Variants in KSR2 observed in about 807,000 individuals in gnomAD.
The protein encoded by KSR2 is kinase suppressor of ras 2.
KSR2 carries 25 observed loss-of-function variants against 107.8 expected under a neutral mutation model. That is an observed-to-expected ratio of 0.23 (90% CI 0.17 to 0.32). The LOEUF is 0.32. Among genes scored for constraint, KSR2 ranks in the 10% least tolerant of loss-of-function variants. KSR2 has a pLI of 1.00. For missense variants in KSR2, 887 were observed against 1,268.9 expected (o/e 0.70, Z 4.57); for synonymous variants, 480 against 507.0 (o/e 0.95, Z 0.71).
intron 5 of KSR2, among the ~76,000 whole-genome samples, chr12:117,593,439 G>A (rs777728069): frequency 2.6e-4 from 40 of 152,236 alleles, no homozygotes; most frequent in Admixed American, 2.6e-4. Flanking sequence ...TCTGCAAGTT[G>A]GGCTTGACAT....
At chr12:117,677,696 T>C (rs1487073079) in intron 4 of KSR2, among the ~76,000 whole-genome samples, 2 of 152,212 alleles carry the variant, frequency 1.3e-5, no homozygotes, top group East Asian at 3.8e-4. Context: ...CTGGCCACTT[T>C]ATGAGATTCT....
chr12:117,882,105 C>T (rs1894046419), intron 1 of KSR2, among the ~76,000 whole-genome samples: 1 of 152,214 alleles, frequency 6.6e-6, no homozygotes, highest in Admixed American at 6.5e-5. Flanking sequence ...AAGTACCTTG[C>T]ACTTTCCAAC....
chr12:117,469,596 G>A, intron 19 of KSR2, 66 bp downstream of exon 19: 3 of 1,569,636 alleles, frequency 1.9e-6, no homozygotes, highest in Non-Finnish European at 2.6e-6. Context: ...ATGCAGAGGG[G>A]ATCAAAAAGG....
At chr12:117,579,036 C>T (rs962371183) in intron 7 of KSR2, 83 bp downstream of exon 7, 2 of 954,474 alleles carry the variant, frequency 2.1e-6, no homozygotes, top group East Asian at 2.6e-5. Context: ...AGAAATCAAA[C>T]TCCCAAAGGC....
intron 7 of KSR2, among the ~76,000 whole-genome samples, chr12:117,565,368 T>A (rs1435218476): frequency 6.6e-6 from 1 of 152,220 alleles, no homozygotes; most frequent in Non-Finnish European, 1.5e-5. Flanking sequence ...CATGGAACAT[T>A]TTAAAAACCT....
chr12:117,936,487 T>C (rs1895840323), intron 1 of KSR2, among the ~76,000 whole-genome samples: 1 of 151,440 alleles, frequency 6.6e-6, no homozygotes, highest in East Asian at 1.9e-4. Flanking sequence ...CCACCATGCC[T>C]GGCTACTTTA....
At chr12:117,713,890 C>A (rs747100077) in intron 4 of KSR2, among the ~76,000 whole-genome samples, 10 of 152,216 alleles carry the variant, frequency 6.6e-5, no homozygotes, top group South Asian at 2.1e-4. Context: ...CTGATGCCAG[C>A]AACCCATTGC....
chr12:117,710,750 G>A (rs867266112), intron 4 of KSR2, among the ~76,000 whole-genome samples: 1 of 152,134 alleles, frequency 6.6e-6, no homozygotes. Context: ...TAAATAAACG[G>A]TCAGTACTAT....
intron 3 of KSR2, among the ~76,000 whole-genome samples, chr12:117,774,724 C>T (rs1444325515): frequency 6.6e-6 from 1 of 152,188 alleles, no homozygotes; most frequent in Non-Finnish European, 1.5e-5. Context: ...CCACTTAGTA[C>T]ATTCTCAATG....
intron 5 of KSR2, among the ~76,000 whole-genome samples, chr12:117,584,650 A>T (rs1476882746): frequency 6.6e-6 from 1 of 152,238 alleles, no homozygotes; most frequent in African/African-American, 2.4e-5. Flanking sequence ...CAGGAACCAC[A>T]TCTCATCTTT....
chr12:117,739,078 G>A (rs1307192644), intron 4 of KSR2, among the ~76,000 whole-genome samples: 1 of 152,122 alleles, frequency 6.6e-6, no homozygotes, highest in Admixed American at 6.5e-5. Context: ...GTAATTGGAC[G>A]GGCGCAGCGG....
At chr12:117,851,163 G>A (rs1289308109) in intron 3 of KSR2, among the ~76,000 whole-genome samples, 1 of 152,208 alleles carries the variant, frequency 6.6e-6, no homozygotes, top group African/African-American at 2.4e-5. Flanking sequence ...CAAGGTCCCA[G>A]TGGCCCTAAG....
At chr12:117,890,197 T>C (rs1448925068) in intron 1 of KSR2, among the ~76,000 whole-genome samples, 1 of 152,248 alleles carries the variant, frequency 6.6e-6, no homozygotes, top group East Asian at 1.9e-4. Context: ...GGTACTGTTC[T>C]TCCTATCTTA....
At chr12:117,588,596 C>T (rs1400589) in intron 5 of KSR2, among the ~76,000 whole-genome samples, 138,828 of 152,268 alleles carry the variant, frequency 0.91, 63,476 homozygotes, top group East Asian at 0.99. Context: ...GGTGTTTTTC[C>T]GATTAATGAG....
intron 1 of KSR2, among the ~76,000 whole-genome samples, chr12:117,954,893 T>C (rs188077045): frequency 2.3e-4 from 35 of 151,974 alleles, no homozygotes; most frequent in Admixed American, 6.6e-4. Flanking sequence ...GGCATGTGCC[T>C]GTAATCCCAG....
At chr12:117,486,475 C>T (rs1872469547) in intron 14 of KSR2, among the ~76,000 whole-genome samples, 2 of 152,174 alleles carry the variant, frequency 1.3e-5, no homozygotes, top group Admixed American at 1.3e-4. Context: ...ACTCCCAGCC[C>T]CTAGCACCGT....
At chr12:117,702,163 G>A (rs545125567) in intron 4 of KSR2, among the ~76,000 whole-genome samples, 1 of 152,278 alleles carries the variant, frequency 6.6e-6, no homozygotes, top group East Asian at 1.9e-4. Context: ...CCACACTTCA[G>A]ACAGCAGTTC....
intron 4 of KSR2, among the ~76,000 whole-genome samples, chr12:117,726,444 A>G (rs1424603227): frequency 1.3e-5 from 2 of 152,206 alleles, no homozygotes; most frequent in African/African-American, 4.8e-5. Context: ...CAGCCTCAGC[A>G]CTGTTGATCT....
chr12:117,819,532 T>C (rs988777423), intron 3 of KSR2, among the ~76,000 whole-genome samples: 1 of 152,194 alleles, frequency 6.6e-6, no homozygotes, highest in Admixed American at 6.5e-5. Context: ...TATCTACATA[T>C]GTCAAAGCTC....
Sources: allele counts gnomAD v4.1 joint callset (sites outside exome capture counted in the v4.1 genomes callset), GRCh38; gene constraint gnomAD v4.1.1; transcripts MANE v1.5; gene names NCBI Gene and HGNC (gene_info 2026-07-23, HGNC 2026-07-21).